SERPINB7: variants seen among roughly 807,000 people sequenced by gnomAD.
SERPINB7 encodes the protein serpin B7.
Under a neutral mutation model 37.4 loss-of-function variants are expected in SERPINB7, and 31 were observed. The ratio of observed to expected loss-of-function variants is 0.83; its 90% CI spans 0.62 to 1.12. The LOEUF (loss-of-function observed/expected upper bound fraction) is 1.12, where lower values mean the gene tolerates loss of function less well. SERPINB7 is among the 50% of genes most tolerant of loss of function. The pLI is 0.00. For synonymous variants in SERPINB7, 163 were observed against 166.1 expected, an observed-to-expected ratio of 0.98 and a Z score of 0.14; for missense variants, 521 against 455.3, an observed-to-expected ratio of 1.14 and a Z score of -1.31.
intron 1 of SERPINB7, among the ~76,000 whole-genome samples, chr18:63,754,880 CTTTTTTTTTTTTTTTTT>C (rs71162676): frequency 1.7e-5 from 1 of 57,940 alleles, no homozygotes; most frequent in Non-Finnish European, 3.0e-5. Flanking sequence ...AAACTGAGGT[CTTTTTTTTTTTTTTTTT>C]TTTTTTTTTT....
At chr18:63,800,675 C>T (rs1426214174) in intron 6 of SERPINB7, among the ~76,000 whole-genome samples, 191 bp from the exon 7 acceptor site, 1 of 152,154 alleles carries the variant, frequency 6.6e-6, no homozygotes, top group African/African-American at 2.4e-5. Context: ...CTCAAGGAAT[C>T]AAATTTGAAG....
chr18:63,797,106 G>A (rs932511488), intron 5 of SERPINB7, among the ~76,000 whole-genome samples: 1 of 152,126 alleles, frequency 6.6e-6, no homozygotes, highest in African/African-American at 2.4e-5. Context: ...AGCAAATAAA[G>A]AAATTTATTA....
chr18:63,782,568 C>G (rs2049312373), intron 2 of SERPINB7, 28 bp downstream of exon 2: 16 of 1,562,482 alleles, frequency 1.0e-5, no homozygotes, highest in Non-Finnish European at 1.2e-5. Flanking sequence ...CAGTTAATCA[C>G]TGGGACAAAT....
At chr18:63,788,404 GA>G (rs911460377) in intron 2 of SERPINB7, among the ~76,000 whole-genome samples, 1 of 152,036 alleles carries the variant, frequency 6.6e-6, no homozygotes, top group African/African-American at 2.4e-5. Flanking sequence ...AGAATATAAA[GA>G]AAAAATATAA....
chr18:63,798,562 A>T (rs554648253), intron 5 of SERPINB7, 42 bp from the exon 6 acceptor site: 1 of 1,455,198 alleles, frequency 6.9e-7, no homozygotes, highest in Non-Finnish European at 9.3e-7. Flanking sequence ...TTTTAAAATT[A>T]TATTAAAATA....
At chr18:63,755,408 TA>T (rs2049116293) in intron 1 of SERPINB7, among the ~76,000 whole-genome samples, 1 of 152,158 alleles carries the variant, frequency 6.6e-6, no homozygotes, top group African/African-American at 2.4e-5. Context: ...GGACAAAAAT[TA>T]AAGACAAACA....
chr18:63,767,245 C>A (rs1207931201), intron 1 of SERPINB7, among the ~76,000 whole-genome samples: 1 of 152,120 alleles, frequency 6.6e-6, no homozygotes, highest in Non-Finnish European at 1.5e-5. Flanking sequence ...AAGCCAGCAC[C>A]AGAGGGCTTC....
At chr18:63,801,163 A>G (rs2049544671) in intron 7 of SERPINB7, 151 bp downstream of exon 7, 1 of 742,400 alleles carries the variant, frequency 1.3e-6, no homozygotes, top group African/African-American at 1.8e-5. Flanking sequence ...TTTAAGGGGT[A>G]CCTAGTATGA....
At chr18:63,795,832 G>T (rs1264355303) in intron 4 of SERPINB7, among the ~76,000 whole-genome samples, 1 of 152,188 alleles carries the variant, frequency 6.6e-6, no homozygotes, top group Non-Finnish European at 1.5e-5. Context: ...CGTAAGCAGG[G>T]TGGGGATCAG....
At chr18:63,784,753 GA>G (rs57729355) in intron 2 of SERPINB7, among the ~76,000 whole-genome samples, 3 of 151,988 alleles carry the variant, frequency 2.0e-5, no homozygotes, top group Non-Finnish European at 4.4e-5. Context: ...AACAAATAAA[GA>G]AAAAAACCTT....
chr18:63,776,590 C>T (rs776193128), intron 1 of SERPINB7, among the ~76,000 whole-genome samples: 5 of 150,040 alleles, frequency 3.3e-5, no homozygotes, highest in South Asian at 2.1e-4. Flanking sequence ...TAAGATAGTG[C>T]GAATTGAAAG....
chr18:63,779,673 C>G (rs1163556394), intron 1 of SERPINB7, among the ~76,000 whole-genome samples: 1 of 151,646 alleles, frequency 6.6e-6, no homozygotes, highest in Non-Finnish European at 1.5e-5. Flanking sequence ...ATAAAACTTA[C>G]CTAAGCTAAA....
chr18:63,753,641 C>G (rs941914624), intron 1 of SERPINB7, among the ~76,000 whole-genome samples: 2 of 152,200 alleles, frequency 1.3e-5, no homozygotes, highest in Non-Finnish European at 2.9e-5. Context: ...TGACAAGTTA[C>G]ATGCCAACTC....
At chr18:63,777,879 G>GACACACACACACACACACACAC (rs67119027) in intron 1 of SERPINB7, 1 of 131,202 alleles carries the variant, frequency 7.6e-6, no homozygotes, top group East Asian at 2.3e-4. Context: ...TTTGAAAAAA[G>GACACACACACACACACACACAC]ACACACACAC....
chr18:63,788,331 T>A (rs1429150487), intron 2 of SERPINB7, among the ~76,000 whole-genome samples: 1 of 152,202 alleles, frequency 6.6e-6, no homozygotes, highest in Non-Finnish European at 1.5e-5. Context: ...AGTGTTTATG[T>A]CTTACTTATT....
At chr18:63,779,573 G>A (rs989292281) in intron 1 of SERPINB7, among the ~76,000 whole-genome samples, 4 of 151,904 alleles carry the variant, frequency 2.6e-5, no homozygotes, top group African/African-American at 9.7e-5. Flanking sequence ...CATTTTAAGA[G>A]TTATGACTTG....
chr18:63,754,066 G>A (rs2144577994), intron 1 of SERPINB7, among the ~76,000 whole-genome samples: 1 of 152,316 alleles, frequency 6.6e-6, no homozygotes, highest in South Asian at 2.1e-4. Flanking sequence ...TTTAATCATA[G>A]TTGTATCTGG....
chr18:63,798,911 A>C (rs919474550), intron 6 of SERPINB7, among the ~76,000 whole-genome samples, 165 bp downstream of exon 6: 1 of 152,098 alleles, frequency 6.6e-6, no homozygotes, highest in Non-Finnish European at 1.5e-5. Context: ...CAAACTTTCT[A>C]TTTTCCCTGT....
At chr18:63,772,903 A>C (rs2049219433), upstream of SERPINB7, among the ~76,000 whole-genome samples, 2 of 152,170 alleles carry the variant, frequency 1.3e-5, no homozygotes, top group African/African-American at 4.8e-5. Context: ...GCATTCATTT[A>C]AATGCATAAG....
Sources: gnomAD v4.1 joint callset for allele counts (sites outside exome capture counted in the v4.1 genomes callset) on GRCh38, gnomAD v4.1.1 for gene constraint, MANE v1.5 for transcripts, NCBI Gene and HGNC (gene_info 2026-07-23, HGNC 2026-07-21) for gene names.